RGS6: variants seen among roughly 807,000 people sequenced by gnomAD.
RGS6 encodes the protein regulator of G-protein signaling 6.
Under a neutral mutation model 78.5 loss-of-function variants are expected in RGS6, and 30 were observed. The observed-to-expected ratio is 0.38, with a 90% CI of 0.29 to 0.52. The LOEUF (loss-of-function observed/expected upper bound fraction) is 0.52. RGS6 is among the 20% of genes least tolerant of loss of function. The pLI, the probability that RGS6 is intolerant of heterozygous loss-of-function variation, is 0.85. For synonymous variants in RGS6, 206 were observed against 206.0 expected, an observed-to-expected ratio of 1.00 and a Z score of 0.00; for missense variants, 495 against 609.7, an observed-to-expected ratio of 0.81 and a Z score of 1.98.
intron 2 of RGS6, among the ~76,000 whole-genome samples, chr14:72,174,376 T>G (rs949137989): frequency 6.6e-6 from 1 of 152,168 alleles, no homozygotes; most frequent in African/African-American, 2.4e-5. Context: ...GGGATTACAG[T>G]TATGAGCCAC....
At chr14:71,948,738 CTCTTTTTTTT>C (rs527797174) in intron 1 of RGS6, among the ~76,000 whole-genome samples, 1,586 of 75,236 alleles carry the variant, frequency 0.021, 51 homozygotes, top group East Asian at 0.08. Flanking sequence ...CTCTCTCTCT[CTCTTTTTTTT>C]TTTTTTTTTT....
Position 72,563,333 on chromosome 14 carries a change from G to C in RGS6, c.*866G>C, listed in dbSNP as rs1317471539. 6.5e-6 allele frequency: 1 copy of C among 154,120 alleles called. No homozygotes were observed. The highest frequency in any genetic ancestry group is 1.4e-5 in the Non-Finnish European group (1 of 69,226). 9.5% of individuals were successfully genotyped at this position (154,120 alleles called of 1,614,324 possible). A position where few individuals can be genotyped will look rare whatever the true frequency, so the allele number is the denominator to read the frequency against. ...TCATGTTTTACTCAAAATAAACATGGCCATGAACTCAGGGGCCATTGGGAT... is the reference window on the plus strand; with the variant it reads ...TCATGTTTTACTCAAAATAAACATGCCCATGAACTCAGGGGCCATTGGGAT... On this transcript the variant is annotated 3_prime_UTR_variant, in exon 18 of 18. Coordinates refer to ENST00000553525, the MANE Select transcript of RGS6 (RefSeq NM_001204424.2).
chr14:72,453,579 G>A (rs918785828), intron 3 of RGS6, among the ~76,000 whole-genome samples: 1 of 123,564 alleles, frequency 8.1e-6, no homozygotes, highest in Non-Finnish European at 1.6e-5. Context: ...TCCCGCCACT[G>A]CACTCCAGCC....
intron 1 of RGS6, among the ~76,000 whole-genome samples, chr14:71,936,030 A>ATATATATAAATATATATATATATATATG (rs781759305): frequency 7.5e-6 from 1 of 133,222 alleles, no homozygotes; most frequent in Non-Finnish European, 1.6e-5. Flanking sequence ...ATATATATAT[A>ATATATATAAATATATATATATATATATG]TATATATATA....
chr14:72,592,277 T>A, the RGS6 span, among the ~76,000 whole-genome samples: 48 of 152,366 alleles, frequency 3.2e-4, no homozygotes, highest in Admixed American at 1.8e-3. Context: ...TCACAAAATT[T>A]TCTGATGGTC....
intron 3 of RGS6, among the ~76,000 whole-genome samples, chr14:72,433,164 G>A (rs1440770072): frequency 2.0e-5 from 3 of 152,120 alleles, no homozygotes; most frequent in South Asian, 2.1e-4. Context: ...CCCATACTCC[G>A]CCTGTTTTCT....
At chr14:72,362,539 G>A (rs1246823854) in intron 3 of RGS6, among the ~76,000 whole-genome samples, 1 of 152,152 alleles carries the variant, frequency 6.6e-6, no homozygotes, top group East Asian at 1.9e-4. Flanking sequence ...TTTGGCCTTG[G>A]TGCTTACTCT....
At chr14:72,343,636 TTC>T (rs2077442095) in intron 2 of RGS6, among the ~76,000 whole-genome samples, 4 of 113,104 alleles carry the variant, frequency 3.5e-5, no homozygotes, top group Non-Finnish European at 7.4e-5. Flanking sequence ...TGGCCCCGTT[TTC>T]GTATCTTCTT....
chr14:72,241,566 A>G (rs913884293), intron 2 of RGS6, among the ~76,000 whole-genome samples: 4 of 152,244 alleles, frequency 2.6e-5, no homozygotes, highest in African/African-American at 7.2e-5. Flanking sequence ...TTCCAAGCAT[A>G]TATCAAATAA....
chr14:72,048,275 A>C (rs923886918), intron 2 of RGS6, among the ~76,000 whole-genome samples: 2 of 152,096 alleles, frequency 1.3e-5, no homozygotes, highest in Non-Finnish European at 2.9e-5. Flanking sequence ...CAGAACCATA[A>C]ATGTTTTCTT....
intron 2 of RGS6, among the ~76,000 whole-genome samples, chr14:72,100,453 C>T (rs753836675): frequency 8.5e-5 from 13 of 152,162 alleles, no homozygotes; most frequent in Middle Eastern, 3.4e-3. Flanking sequence ...CAAGATTGCA[C>T]GACTGCACTC....
At chr14:72,269,203 C>T (rs2059544275) in intron 2 of RGS6, among the ~76,000 whole-genome samples, 2 of 152,148 alleles carry the variant, frequency 1.3e-5, no homozygotes, top group Admixed American at 1.3e-4. Flanking sequence ...TACCCTTCTT[C>T]TTGGTCATCC....
intron 2 of RGS6, among the ~76,000 whole-genome samples, chr14:72,196,390 C>G (rs2040159044): frequency 6.6e-6 from 1 of 152,192 alleles, no homozygotes; most frequent in Non-Finnish European, 1.5e-5. Context: ...TAGGCAGTGG[C>G]TGAGAATGCT....
intron 2 of RGS6, among the ~76,000 whole-genome samples, chr14:72,252,046 A>T (rs1355394764): frequency 6.6e-6 from 1 of 152,216 alleles, no homozygotes; most frequent in Non-Finnish European, 1.5e-5. Flanking sequence ...GAACTAAATT[A>T]AAAAGAATGT....
At chr14:72,372,762 G>A (rs527662317) in intron 3 of RGS6, among the ~76,000 whole-genome samples, 1 of 152,206 alleles carries the variant, frequency 6.6e-6, no homozygotes, top group Non-Finnish European at 1.5e-5. Flanking sequence ...CCTACAAGAA[G>A]CAGGGTGTTA....
chr14:72,011,248 G>GT (rs1400635825), intron 2 of RGS6, among the ~76,000 whole-genome samples: 5 of 152,046 alleles, frequency 3.3e-5, no homozygotes, highest in East Asian at 1.9e-4. Flanking sequence ...AATTTTTATT[G>GT]TTTTTTCTTG....
At chr14:72,466,847 C>G (rs2095929048) in intron 7 of RGS6, among the ~76,000 whole-genome samples, 1 of 152,178 alleles carries the variant, frequency 6.6e-6, no homozygotes, top group South Asian at 2.1e-4. Flanking sequence ...AAATTTACTA[C>G]ATAATAACAT....
chr14:71,908,538 T>G, the RGS6 span: 1 of 152,034 alleles, frequency 6.6e-6, no homozygotes, highest in Non-Finnish European at 1.5e-5. Flanking sequence ...CAACAAAACT[T>G]TTTTATATTC....
At chr14:72,384,331 T>C (rs1049679985) in intron 3 of RGS6, among the ~76,000 whole-genome samples, 4 of 152,260 alleles carry the variant, frequency 2.6e-5, no homozygotes, top group Non-Finnish European at 4.4e-5. Context: ...CACACTCTTT[T>C]TGTTTGGTAA....
Sources: gnomAD v4.1 joint callset for allele counts (sites outside exome capture counted in the v4.1 genomes callset) on GRCh38, gnomAD v4.1.1 for gene constraint, MANE v1.5 for transcripts, NCBI Gene and HGNC (gene_info 2026-07-23, HGNC 2026-07-21) for gene names.